BBS9: variants seen among roughly 807,000 people sequenced by gnomAD.
BBS9 encodes protein PTHB1.
Under a neutral mutation model 117.7 loss-of-function variants are expected in BBS9, and 89 were observed. The ratio of observed to expected loss-of-function variants is 0.76; its 90% CI spans 0.64 to 0.90. BBS9 has a LOEUF of 0.90. BBS9 is among the 40% of genes least tolerant of loss of function. The pLI is 0.00. For synonymous variants in BBS9, 379 were observed against 370.9 expected, an observed-to-expected ratio of 1.02 and a Z score of -0.25; for missense variants, 982 against 1,042.2, an observed-to-expected ratio of 0.94 and a Z score of 0.80.
At chr7:33,230,767 T>G (rs1211174716) in intron 5 of BBS9, among the ~76,000 whole-genome samples, 1 of 152,234 alleles carries the variant, frequency 6.6e-6, no homozygotes, top group African/African-American at 2.4e-5. Flanking sequence ...TCTTTATGAC[T>G]GAGTAGTATT....
chr7:33,616,899 C>A (rs1235023691), intron 21 of BBS9, among the ~76,000 whole-genome samples: 1 of 151,918 alleles, frequency 6.6e-6, no homozygotes, highest in Non-Finnish European at 1.5e-5. Context: ...GTCGATTATT[C>A]CACTTGCTAT....
intron 21 of BBS9, among the ~76,000 whole-genome samples, chr7:33,566,183 C>T (rs940934066): frequency 2.0e-4 from 30 of 151,528 alleles, no homozygotes; most frequent in African/African-American, 6.5e-4. Context: ...AAGATTGGTT[C>T]TCATTATTGT....
chr7:33,181,847 G>A (rs544266022), intron 5 of BBS9, among the ~76,000 whole-genome samples: 2 of 152,358 alleles, frequency 1.3e-5, no homozygotes, highest in Admixed American at 1.3e-4. Flanking sequence ...ACTTTGGGAG[G>A]CCGAGGCAGG....
intron 9 of BBS9, among the ~76,000 whole-genome samples, chr7:33,328,460 A>G (rs1813295045): frequency 6.6e-6 from 1 of 152,240 alleles, no homozygotes; most frequent in South Asian, 2.1e-4. Flanking sequence ...AATATGTTCA[A>G]GTGCCCACGT....
At chr7:33,197,082 A>G (rs1018388873) in intron 5 of BBS9, among the ~76,000 whole-genome samples, 1 of 152,152 alleles carries the variant, frequency 6.6e-6, no homozygotes, top group South Asian at 2.1e-4. Flanking sequence ...AGACTAAAAA[A>G]ATTTGAGGTT....
chr7:33,330,928 G>A (rs1813910623), intron 9 of BBS9, among the ~76,000 whole-genome samples: 1 of 152,132 alleles, frequency 6.6e-6, no homozygotes, highest in Admixed American at 6.6e-5. Flanking sequence ...TGATGGTTCT[G>A]TTCAGCATAA....
chr7:33,565,829 C>T (rs60501902), intron 21 of BBS9, among the ~76,000 whole-genome samples: 548 of 23,184 alleles, frequency 0.024, 21 homozygotes, highest in African/African-American at 0.14. Flanking sequence ...ATATATATAC[C>T]GCTATATATA....
intron 5 of BBS9, among the ~76,000 whole-genome samples, chr7:33,198,845 T>G (rs1489147228): frequency 6.6e-6 from 1 of 151,968 alleles, no homozygotes; most frequent in Non-Finnish European, 1.5e-5. Context: ...GCTGTAAGGT[T>G]GAAAGATTTG....
chr7:33,157,144 A>C (rs1794210796), intron 4 of BBS9, among the ~76,000 whole-genome samples: 1 of 152,118 alleles, frequency 6.6e-6, no homozygotes, highest in African/African-American at 2.4e-5. Flanking sequence ...ATTCGATTAG[A>C]CACTAGGCCT....
chr7:33,515,161 G>A (rs1254011337), intron 20 of BBS9, among the ~76,000 whole-genome samples: 3 of 152,162 alleles, frequency 2.0e-5, no homozygotes, highest in Non-Finnish European at 4.4e-5. Flanking sequence ...TGATGTAATA[G>A]TTTTATCCCT....
At position 33,501,318 on chromosome 7, in the gene BBS9, A is replaced by G. The variant is rs573602899; in HGVS notation, c.2116-4145A>G. Among the ~76,000 whole-genome samples the G allele has an allele frequency of 9.2e-5, 14 of 152,328 alleles. No individual in the cohort carries two copies. In the East Asian group the frequency reaches 2.7e-3, roughly 29 times the overall value. On this transcript the variant is annotated intron_variant, in intron 19 of 22. Coordinates refer to ENST00000242067, the MANE Select transcript of BBS9 (RefSeq NM_198428.3). ...GGCTGTTACGTGTAAAACTAAATTG[A>G]GAACATGGAGAGCTGTTTAGTATTT...
chr7:33,343,592 G>A (rs1044366598), intron 11 of BBS9, among the ~76,000 whole-genome samples: 13 of 149,234 alleles, frequency 8.7e-5, no homozygotes, highest in Admixed American at 1.3e-4. Context: ...TCCGCCTCCC[G>A]GGTTCAAGCA....
At chr7:33,437,296 G>T (rs1835438250) in intron 19 of BBS9, among the ~76,000 whole-genome samples, 1 of 152,180 alleles carries the variant, frequency 6.6e-6, no homozygotes, top group African/African-American at 2.4e-5. Flanking sequence ...AGGCCACGCA[G>T]CTGACCTCTC....
chr7:33,160,991 A>G (rs1794754072), intron 4 of BBS9, among the ~76,000 whole-genome samples: 1 of 152,160 alleles, frequency 6.6e-6, no homozygotes, highest in African/African-American at 2.4e-5. Context: ...CTTTCTATAA[A>G]TGTTTAAATG....
At chr7:33,382,648 T>G (rs1288322825) in intron 17 of BBS9, among the ~76,000 whole-genome samples, 1 of 152,160 alleles carries the variant, frequency 6.6e-6, no homozygotes, top group African/African-American at 2.4e-5. Context: ...AGTGTTCCAG[T>G]GCCTGCTCTC....
At chr7:33,279,374 C>T (rs767994032) in intron 9 of BBS9, among the ~76,000 whole-genome samples, 1 of 152,166 alleles carries the variant, frequency 6.6e-6, no homozygotes, top group Non-Finnish European at 1.5e-5. Context: ...CAGTGCTCAG[C>T]CCACATATTT....
chr7:33,588,880 C>G (rs77549378), intron 21 of BBS9, among the ~76,000 whole-genome samples: 13,608 of 152,112 alleles, frequency 0.089, 1,180 homozygotes, highest in East Asian at 0.33. Context: ...GCAAAGAGGA[C>G]AGTGAGGTGG....
intron 20 of BBS9, among the ~76,000 whole-genome samples, chr7:33,512,913 C>T (rs556704830): frequency 1.3e-5 from 2 of 152,280 alleles, no homozygotes; most frequent in Admixed American, 1.3e-4. Flanking sequence ...TGTTGGCATC[C>T]GAAGTAGCCT....
intron 5 of BBS9, among the ~76,000 whole-genome samples, chr7:33,215,346 T>A (rs1788852604): frequency 1.3e-5 from 2 of 152,228 alleles, no homozygotes; most frequent in Non-Finnish European, 2.9e-5. Flanking sequence ...AATCTGTATG[T>A]TTACTGTCAA....
Sources: allele counts gnomAD v4.1 joint callset (sites outside exome capture counted in the v4.1 genomes callset), GRCh38; gene constraint gnomAD v4.1.1; transcripts MANE v1.5; gene names NCBI Gene and HGNC (gene_info 2026-07-23, HGNC 2026-07-21).